The following TUSC3 variants were observed in gnomAD, a reference collection of about 807,000 sequenced individuals.
TUSC3 encodes dolichyl-diphosphooligosaccharide--protein glycosyltransferase subunit TUSC3.
TUSC3 carries 45 observed loss-of-function variants against 44.8 expected under a neutral mutation model. The observed-to-expected ratio is 1.00, with a 90% CI of 0.79 to 1.29. The LOEUF (loss-of-function observed/expected upper bound fraction) is 1.29, where lower values mean the gene tolerates loss of function less well. Among genes scored for constraint, TUSC3 ranks in the 50% most tolerant of loss-of-function variants. TUSC3 has a pLI of 0.00. For synonymous variants in TUSC3, 212 were observed against 152.9 expected (o/e 1.39, Z -2.85); for missense variants, 519 against 437.9 (o/e 1.19, Z -1.65).
intron 1 of TUSC3, among the ~76,000 whole-genome samples, chr8:15,589,804 G>C (rs577046499): frequency 2.6e-5 from 4 of 152,218 alleles, no homozygotes; most frequent in African/African-American, 9.6e-5. Flanking sequence ...CCTACCAAAA[G>C]TGAGTTAATG....
At position 15,735,880 on chromosome 8, in the gene TUSC3, T is replaced by G. The variant is rs558986491; in HGVS notation, c.862+5151T>G. Among the ~76,000 whole-genome samples, 145 of 37,666 alleles carry G rather than the reference T, an allele frequency of 3.8e-3. 1 individual carries two copies. The highest frequency in any genetic ancestry group is 9.9e-3 in the African/African-American group (121 of 12,250). The allele number at this position is 37,666 out of a possible 152,430, so 24.7% of individuals were successfully genotyped here. A position where few individuals can be genotyped will look rare whatever the true frequency, so the allele number is the denominator to read the frequency against. ...ACACCCGGCTAATGGGTTTTTTTTT[T>G]TTGTTTTTTTGGTTTTTTTTTGTAT... On this transcript the variant is annotated intron_variant, in intron 7 of 10. Coordinates refer to ENST00000503731, the MANE Select transcript of TUSC3 (RefSeq NM_006765.4).
the TUSC3 span, among the ~76,000 whole-genome samples, chr8:15,849,947 T>G: frequency 6.6e-6 from 1 of 152,050 alleles, no homozygotes; most frequent in African/African-American, 2.4e-5. Context: ...GAAACCTGAG[T>G]GCTTAGAGCA....
At chr8:15,530,716 C>T (rs79410769) in intron 2 of TUSC3, among the ~76,000 whole-genome samples, 11 of 152,190 alleles carry the variant, frequency 7.2e-5, no homozygotes, top group African/African-American at 1.2e-4. Flanking sequence ...AGTAAATGCT[C>T]ATAATAACAC....
At chr8:15,508,288 C>G (rs772916158) in intron 2 of TUSC3, among the ~76,000 whole-genome samples, 3 of 151,730 alleles carry the variant, frequency 2.0e-5, no homozygotes, top group Non-Finnish European at 2.9e-5. Context: ...TTGCTCTGGA[C>G]AAATTATGGG....
the TUSC3 span, among the ~76,000 whole-genome samples, chr8:15,809,787 A>G: frequency 6.6e-6 from 1 of 152,216 alleles, no homozygotes; most frequent in Non-Finnish European, 1.5e-5. Context: ...CTGTAATTAT[A>G]TTACTTAACA....
At chr8:15,596,999 T>C (rs779028316) in intron 1 of TUSC3, among the ~76,000 whole-genome samples, 10 of 152,106 alleles carry the variant, frequency 6.6e-5, no homozygotes, top group Non-Finnish European at 1.2e-4. Flanking sequence ...AAGTTAATAA[T>C]TAGTTGTGGA....
Position 15,540,441 on chromosome 8 carries a change from G to A in TUSC3, c.11G>A (p.Arg4Gln), listed in dbSNP as rs1307633394. The change falls in exon 1 of 11, where the codon CGG (arginine) becomes CAG (glutamine). Residue 4 changes from arginine to glutamine, a missense_variant. Transcript: ENST00000503731. ...CACTGCCCTGCCGCGATGGGGGCCC[G>A]GGGCGCTCCTTCACGCCGTAGGCAA... MGA[R>Q]GAPSRRRQAG... 6 of 1,595,876 alleles carry A rather than the reference G, an allele frequency of 3.8e-6. No homozygotes were observed. Among genetic ancestry groups the A allele is most frequent in the Non-Finnish European group, 5.1e-6 (6 of 1,172,376 alleles).
chr8:15,792,748 T>G, the TUSC3 span, among the ~76,000 whole-genome samples: 3 of 152,116 alleles, frequency 2.0e-5, no homozygotes, highest in South Asian at 6.2e-4. Context: ...CTCGAGTAGC[T>G]GGGATTACAG....
intron 1 of TUSC3, among the ~76,000 whole-genome samples, chr8:15,474,552 G>A (rs1800549235): frequency 6.6e-6 from 1 of 152,090 alleles, no homozygotes; most frequent in South Asian, 2.1e-4. Flanking sequence ...ATCTCACTAG[G>A]TGTAGCAAAT....
At chr8:15,754,453 A>T (rs1270724004) in intron 9 of TUSC3, among the ~76,000 whole-genome samples, 1 of 152,148 alleles carries the variant, frequency 6.6e-6, no homozygotes, top group Non-Finnish European at 1.5e-5. Context: ...TAGTACAGAC[A>T]CACATTCTTC....
At chr8:15,604,549 T>G (rs1222605815) in intron 1 of TUSC3, among the ~76,000 whole-genome samples, 1 of 151,812 alleles carries the variant, frequency 6.6e-6, no homozygotes, top group East Asian at 1.9e-4. Flanking sequence ...AAAATACAAG[T>G]GGCACCAAGA....
At chr8:15,447,834 A>G (rs1438607891) in intron 1 of TUSC3, among the ~76,000 whole-genome samples, 1 of 151,868 alleles carries the variant, frequency 6.6e-6, no homozygotes, top group Non-Finnish European at 1.5e-5. Flanking sequence ...ACCATGCGAG[A>G]ACCCATAAAA....
At chr8:15,844,466 A>G in the TUSC3 span, among the ~76,000 whole-genome samples, 1 of 152,182 alleles carries the variant, frequency 6.6e-6, no homozygotes, top group African/African-American at 2.4e-5. Context: ...TTCAAGGCAC[A>G]AACGGAGAAC....
chr8:15,841,088 G>C, the TUSC3 span, among the ~76,000 whole-genome samples: 1 of 151,968 alleles, frequency 6.6e-6, no homozygotes, highest in Non-Finnish European at 1.5e-5. Context: ...TCCCTAGTTT[G>C]GCATTAATTA....
intron 1 of TUSC3, among the ~76,000 whole-genome samples, chr8:15,551,749 G>A (rs1263321999): frequency 2.6e-5 from 4 of 151,700 alleles, no homozygotes; most frequent in Non-Finnish European, 4.4e-5. Context: ...TGTTATAAGG[G>A]TAAGAAACAA....
chr8:15,493,962 T>G (rs984996493), intron 2 of TUSC3, among the ~76,000 whole-genome samples: 1 of 152,218 alleles, frequency 6.6e-6, no homozygotes, highest in Admixed American at 6.5e-5. Context: ...ACGTACAGTT[T>G]GCCCTTTGAT....
In TUSC3 at chr8:15,485,990, C is replaced by T. The variant is rs138692801; in HGVS notation, n.189+2507C>T. On this transcript the variant is annotated intron_variant and non_coding_transcript_variant, in intron 2 of 5. Transcript: ENST00000503191. ...TGTATATTTAGTAGAGTCGGGGTTT[C>T]GCCATGTTGGGCAGGCTGGTCTCAA... Among the ~76,000 whole-genome samples, 290 of 152,116 alleles carry T rather than the reference C, an allele frequency of 1.9e-3. 1 individual carries two copies. Among genetic ancestry groups the T allele is most frequent in the African/African-American group, 6.2e-3 (256 of 41,516 alleles).
chr8:15,472,620 C>A (rs1800508992), intron 1 of TUSC3, among the ~76,000 whole-genome samples: 1 of 152,152 alleles, frequency 6.6e-6, no homozygotes, highest in South Asian at 2.1e-4. Flanking sequence ...TTCTGAAACA[C>A]AGCTCATTTC....
chr8:15,616,654 T>C (rs931379867), intron 1 of TUSC3, among the ~76,000 whole-genome samples: 1 of 152,184 alleles, frequency 6.6e-6, no homozygotes, highest in Non-Finnish European at 1.5e-5. Context: ...TTGGAAATAT[T>C]TTTCATTCAT....
Sources: allele counts gnomAD v4.1 joint callset (sites outside exome capture counted in the v4.1 genomes callset), GRCh38; gene constraint gnomAD v4.1.1; transcripts MANE v1.5; gene names NCBI Gene and HGNC (gene_info 2026-07-23, HGNC 2026-07-21).